The following INPP4B variants were observed in gnomAD, a reference collection of about 807,000 sequenced individuals.
INPP4B encodes inositol polyphosphate-4-phosphatase type II B.
In INPP4B, 55 loss-of-function variants were observed where a neutral mutation model predicts 122.5. The observed-to-expected ratio is 0.45, with a 90% CI of 0.36 to 0.56. The LOEUF (loss-of-function observed/expected upper bound fraction) is 0.56, where lower values mean the gene tolerates loss of function less well. INPP4B is among the 20% of genes least tolerant of loss of function. The pLI is 0.00. For missense variants in INPP4B, 1,000 were observed against 1,097.7 expected (o/e 0.91, Z 1.26); for synonymous variants, 403 against 388.7 (o/e 1.04, Z -0.43).
chr4:142,810,577 TATTTTTAGTACCTAACG>T (rs560069988), intron 1 of INPP4B, among the ~76,000 whole-genome samples: 187 of 152,344 alleles, frequency 1.2e-3, no homozygotes, highest in Non-Finnish European at 1.8e-3. Context: ...TACACAATCA[TATTTTTAGTACCTAACG>T]AGTGATTTCA....
chr4:142,122,098 C>A, intron 21 of INPP4B, 30 bp downstream of exon 21: 1 of 1,401,322 alleles, frequency 7.1e-7, no homozygotes. Flanking sequence ...TCTAACAAAG[C>A]CTGGTCTTCA....
intron 18 of INPP4B, among the ~76,000 whole-genome samples, chr4:142,134,566 C>T (rs1013371376): frequency 1.3e-5 from 2 of 151,872 alleles, no homozygotes; most frequent in African/African-American, 2.4e-5. Context: ...GAGGCCAAGG[C>T]GGGCAGATCA....
chr4:142,425,055 A>C (rs1807743663), intron 5 of INPP4B, among the ~76,000 whole-genome samples: 2 of 152,118 alleles, frequency 1.3e-5, no homozygotes, highest in African/African-American at 4.8e-5. Flanking sequence ...TGAAGGAGTC[A>C]GCACATTTTA....
At chr4:142,657,981 A>C (rs1017227236) in intron 2 of INPP4B, among the ~76,000 whole-genome samples, 1 of 152,218 alleles carries the variant, frequency 6.6e-6, no homozygotes, top group Non-Finnish European at 1.5e-5. Context: ...GTTTAGGTAC[A>C]TAGGATTGCC....
rs565978717 is a variant in INPP4B, at chr4:142,581,086, C to T, written c.-190-118360G>A. Reference sequence around the variant, plus strand: ...TATTTCTTGAAGGGGCAAAAGAGTGCCATCTTTTGTCATTATTTGGGGGTA... The same window carrying T: ...TATTTCTTGAAGGGGCAAAAGAGTGTCATCTTTTGTCATTATTTGGGGGTA... On this transcript the variant is annotated intron_variant, in intron 2 of 25. Transcript: ENST00000262992. Among the ~76,000 whole-genome samples, 82 of 151,870 alleles carry T rather than the reference C, an allele frequency of 5.4e-4. 1 individual carries two copies. The highest frequency in any genetic ancestry group is 1.9e-3 in the African/African-American group (80 of 41,426).
At chr4:142,213,318 G>C (rs567775229) in intron 12 of INPP4B, among the ~76,000 whole-genome samples, 8 of 152,182 alleles carry the variant, frequency 5.3e-5, no homozygotes, top group Admixed American at 5.2e-4. Flanking sequence ...TACCATCTCA[G>C]TGGCTCATTG....
intron 3 of INPP4B, among the ~76,000 whole-genome samples, chr4:142,447,661 C>T (rs537957245): frequency 3.3e-5 from 5 of 152,224 alleles, no homozygotes; most frequent in South Asian, 2.1e-4. Flanking sequence ...GGAAAGACTG[C>T]GTGCCTAGTA....
At chr4:142,348,586 T>C (rs972736127) in intron 7 of INPP4B, among the ~76,000 whole-genome samples, 1 of 151,950 alleles carries the variant, frequency 6.6e-6, no homozygotes, top group African/African-American at 2.4e-5. Context: ...AATTGACAAG[T>C]GCAAATCCAG....
At chr4:142,472,665 C>T (rs965428423) in intron 2 of INPP4B, among the ~76,000 whole-genome samples, 1 of 152,084 alleles carries the variant, frequency 6.6e-6, no homozygotes, top group Non-Finnish European at 1.5e-5. Flanking sequence ...AAATTTTTTC[C>T]TTTGAGTCTG....
chr4:142,133,116 T>G (rs1424684215), intron 18 of INPP4B, among the ~76,000 whole-genome samples: 2 of 152,220 alleles, frequency 1.3e-5, no homozygotes, highest in Non-Finnish European at 2.9e-5. Context: ...CCAACTTTGT[T>G]GCTGGTTCCT....
chr4:142,407,831 T>C (rs1487846249), intron 5 of INPP4B, among the ~76,000 whole-genome samples: 1 of 152,148 alleles, frequency 6.6e-6, no homozygotes, highest in African/African-American at 2.4e-5. Context: ...GCCTCATCTA[T>C]CTACCTACCT....
intron 14 of INPP4B, among the ~76,000 whole-genome samples, chr4:142,196,467 TC>T (rs1561452160): frequency 6.6e-6 from 1 of 152,158 alleles, no homozygotes; most frequent in East Asian, 1.9e-4. Context: ...CCTTTAAGCC[TC>T]CAAGAGTAGA....
intron 15 of INPP4B, among the ~76,000 whole-genome samples, chr4:142,178,196 A>T (rs1435126115): frequency 1.3e-5 from 2 of 151,712 alleles, no homozygotes; most frequent in Non-Finnish European, 2.9e-5. Flanking sequence ...ATTGTCTATG[A>T]CTCTTTGTCT....
intron 12 of INPP4B, among the ~76,000 whole-genome samples, chr4:142,216,454 A>G (rs1847298495): frequency 6.6e-6 from 1 of 152,226 alleles, no homozygotes; most frequent in South Asian, 2.1e-4. Context: ...ACAAATCTCC[A>G]AAGGAGACAT....
chr4:142,550,327 A>G (rs1727665008), intron 2 of INPP4B, among the ~76,000 whole-genome samples: 1 of 152,114 alleles, frequency 6.6e-6, no homozygotes, highest in African/African-American at 2.4e-5. Context: ...GATATTCTCC[A>G]TAGGAACAGA....
At chr4:142,667,823 C>CA (rs1756380462) in intron 2 of INPP4B, among the ~76,000 whole-genome samples, 1 of 152,110 alleles carries the variant, frequency 6.6e-6, no homozygotes, top group African/African-American at 2.4e-5. Context: ...AAATCTGAAA[C>CA]TAAGTGCTAT....
At chr4:142,736,294 C>T (rs1766875928) in intron 1 of INPP4B, among the ~76,000 whole-genome samples, 1 of 152,040 alleles carries the variant, frequency 6.6e-6, no homozygotes, top group African/African-American at 2.4e-5. Context: ...AATTTATTTC[C>T]CTAATTTCTA....
At chr4:142,521,603 A>G (rs1015038762) in intron 2 of INPP4B, among the ~76,000 whole-genome samples, 1 of 152,040 alleles carries the variant, frequency 6.6e-6, no homozygotes, top group Non-Finnish European at 1.5e-5. Flanking sequence ...TTATACAATT[A>G]AGGCCATCCT....
intron 15 of INPP4B, among the ~76,000 whole-genome samples, chr4:142,176,312 A>T (rs1828245179): frequency 6.6e-6 from 1 of 151,810 alleles, no homozygotes; most frequent in Non-Finnish European, 1.5e-5. Context: ...TATAGATTCA[A>T]TGCCATCCCC....
Sources: allele counts gnomAD v4.1 joint callset (sites outside exome capture counted in the v4.1 genomes callset), GRCh38; gene constraint gnomAD v4.1.1; transcripts MANE v1.5; gene names NCBI Gene and HGNC (gene_info 2026-07-23, HGNC 2026-07-21).